SARNP: variants seen among roughly 807,000 people sequenced by gnomAD.
The protein encoded by SARNP is SAP domain containing ribonucleoprotein, also known as SAP domain-containing ribonucleoprotein.
Under a neutral mutation model 38.1 loss-of-function variants are expected in SARNP, and 5 were observed. The ratio of observed to expected loss-of-function variants is 0.13; its 90% CI spans 0.07 to 0.28. The LOEUF (loss-of-function observed/expected upper bound fraction) is 0.28. Among genes scored for constraint, SARNP ranks in the 10% least tolerant of loss-of-function variants. The pLI, the probability that SARNP is intolerant of heterozygous loss-of-function variation, is 1.00. For missense variants in SARNP, 180 were observed against 243.9 expected, an observed-to-expected ratio of 0.74 and a Z score of 1.75; for synonymous variants, 84 against 80.6, an observed-to-expected ratio of 1.04 and a Z score of -0.23.
At chr12:55,800,748 C>T (rs1447215899) in intron 3 of SARNP, 106 bp downstream of exon 3, 5 of 1,275,954 alleles carry the variant, frequency 3.9e-6, no homozygotes, top group Non-Finnish European at 5.7e-6. Flanking sequence ...CCATCTTATG[C>T]TCCCCTAATA....
chr12:55,809,400 TG>T (rs1555174198), intron 1 of SARNP, among the ~76,000 whole-genome samples: 1 of 151,440 alleles, frequency 6.6e-6, no homozygotes, highest in Non-Finnish European at 1.5e-5. Context: ...GCCATGATCA[TG>T]CCACTGCACT....
chr12:55,763,077 A>G (rs1592554577), intron 9 of SARNP, among the ~76,000 whole-genome samples: 2 of 152,148 alleles, frequency 1.3e-5, no homozygotes, highest in East Asian at 3.8e-4. Flanking sequence ...CTGCCTACAC[A>G]GTTTTTCTGC....
At chr12:55,766,064 A>G (rs1013004666) in intron 9 of SARNP, among the ~76,000 whole-genome samples, 1 of 152,094 alleles carries the variant, frequency 6.6e-6, no homozygotes, top group African/African-American at 2.4e-5. Flanking sequence ...CATCAGGCCA[A>G]TGCTCCCTCA....
At chr12:55,772,168 G>A (rs540964136) in intron 9 of SARNP, among the ~76,000 whole-genome samples, 92 of 152,196 alleles carry the variant, frequency 6.0e-4, no homozygotes, top group African/African-American at 1.3e-3. Context: ...CAAGTACACC[G>A]CCTTAGCAAA....
intron 9 of SARNP, among the ~76,000 whole-genome samples, chr12:55,778,521 CT>C (rs1175608929): frequency 6.6e-5 from 10 of 151,936 alleles, no homozygotes; most frequent in East Asian, 1.9e-4. Context: ...AAAGTAGTGT[CT>C]TTTTTTTATC....
At chr12:55,800,376 A>G (rs1879942363) in intron 4 of SARNP, among the ~76,000 whole-genome samples, 186 bp downstream of exon 4, 1 of 152,230 alleles carries the variant, frequency 6.6e-6, no homozygotes, top group Admixed American at 6.5e-5. Context: ...TAACTCAGAG[A>G]CAATTTGCTT....
chr12:55,817,704 T>C lies in SARNP; in HGVS notation c.-3A>G, dbSNP rs74091417. ...AGCTCCACCGTCTCGGTCGCCATCT[T>C]GTTACCCCTCACTCCACTAGGCCCC... is the stretch of plus-strand genomic sequence containing the variant. On this transcript the variant is annotated 5_prime_UTR_variant, in exon 1 of 11. Coordinates refer to ENST00000336133, the MANE Select transcript of SARNP (RefSeq NM_033082.4). 114 of 1,613,266 alleles carry C rather than the reference T, an allele frequency of 7.1e-5. 1 individual carries two copies. The African/African-American group carries it at 1.3e-3, about 18-fold the overall frequency.
chr12:55,813,669 C>T (rs1204118162), intron 1 of SARNP, among the ~76,000 whole-genome samples: 14 of 151,960 alleles, frequency 9.2e-5, no homozygotes, highest in Admixed American at 9.2e-4. Flanking sequence ...CTCAGCCCCC[C>T]GAGTAGCTGG....
At chr12:55,786,166 A>C (rs1879486738) in intron 9 of SARNP, among the ~76,000 whole-genome samples, 1 of 152,242 alleles carries the variant, frequency 6.6e-6, no homozygotes, top group East Asian at 1.9e-4. Flanking sequence ...ATACTATAAA[A>C]ATAACACAGG....
chr12:55,806,185 CCT>C (rs1880135464), intron 1 of SARNP, among the ~76,000 whole-genome samples: 1 of 152,028 alleles, frequency 6.6e-6, no homozygotes, highest in Non-Finnish European at 1.5e-5. Context: ...AATAACTTCA[CCT>C]CTCTATGCCT....
intron 9 of SARNP, among the ~76,000 whole-genome samples, chr12:55,782,338 T>C (rs142988698): frequency 6.6e-6 from 1 of 152,320 alleles, no homozygotes; most frequent in Non-Finnish European, 1.5e-5. Context: ...TGCCTGGGAT[T>C]AGACTTGCTT....
intron 9 of SARNP, 76 bp downstream of exon 9, chr12:55,788,999 G>A (rs371063746): frequency 1.1e-6 from 1 of 931,542 alleles, no homozygotes. Context: ...TCTCAGGAGG[G>A]TCATTTCCAG....
intron 7 of SARNP, 73 bp downstream of exon 7, chr12:55,794,286 G>C (rs776179857): frequency 1.4e-5 from 19 of 1,312,418 alleles, no homozygotes; most frequent in Admixed American, 3.7e-5. Context: ...TTATTTTGGA[G>C]AAATAAAACC....
intron 10 of SARNP, among the ~76,000 whole-genome samples, chr12:55,758,924 T>G (rs570965912): frequency 1.3e-5 from 2 of 149,738 alleles, no homozygotes; most frequent in African/African-American, 4.9e-5. Flanking sequence ...TTTTTTTTTT[T>G]GAGACAGTCT....
At chr12:55,814,776 C>A (rs1360422431) in intron 1 of SARNP, among the ~76,000 whole-genome samples, 1 of 151,580 alleles carries the variant, frequency 6.6e-6, no homozygotes, top group East Asian at 1.9e-4. Context: ...AGCTGAGGCA[C>A]GGGAATTGCT....
intron 9 of SARNP, among the ~76,000 whole-genome samples, chr12:55,774,183 T>G (rs1284667664): frequency 6.6e-6 from 1 of 151,870 alleles, no homozygotes; most frequent in Non-Finnish European, 1.5e-5. Context: ...TTTATTTTCT[T>G]GTAGAGACAA....
intron 2 of SARNP, among the ~76,000 whole-genome samples, chr12:55,801,563 C>T (rs1165210286): frequency 6.6e-6 from 1 of 152,076 alleles, no homozygotes; most frequent in East Asian, 1.9e-4. Context: ...GAAGATTTTT[C>T]AAAACTAAGT....
intron 7 of SARNP, 118 bp from the exon 8 acceptor site, chr12:55,790,710 A>G: frequency 3.0e-6 from 3 of 1,014,860 alleles, no homozygotes; most frequent in Non-Finnish European, 4.1e-6. Flanking sequence ...AAGAAAAGGC[A>G]GAAATTGCAT....
Position 55,796,228 on chromosome 12 carries a change from T to C in SARNP, c.252-152A>G, listed in dbSNP as rs78932349. The C allele has an allele frequency of 2.2e-3, 1,298 of 596,004 alleles. 13 individuals carry two copies. In the African/African-American group the frequency reaches 0.022, roughly 10 times the overall value. The allele number at this position is 596,004 out of a possible 1,614,324, so 36.9% of individuals were successfully genotyped here. On this transcript the variant is annotated intron_variant, in intron 4 of 10. Coordinates refer to ENST00000336133, the MANE Select transcript of SARNP (RefSeq NM_033082.4). The stretch of plus-strand genomic sequence containing the variant: ...AAGAAACATGAAGTCCACTAGAGCT[T>C]TGGTTCCTTTAACTGTCATCTATTG...
Sources: allele counts gnomAD v4.1 joint callset (sites outside exome capture counted in the v4.1 genomes callset), GRCh38; gene constraint gnomAD v4.1.1; transcripts MANE v1.5; gene names NCBI Gene and HGNC (gene_info 2026-07-23, HGNC 2026-07-21).